Variants in WWOX observed in about 807,000 individuals in gnomAD.
The protein encoded by WWOX is WW domain containing oxidoreductase.
In WWOX, 69 loss-of-function variants were observed where a neutral mutation model predicts 46.2. The ratio of observed to expected loss-of-function variants is 1.49; its 90% confidence interval spans 1.23 to 1.82. The LOEUF (loss-of-function observed/expected upper bound fraction) is 1.82, where lower values mean the gene tolerates loss of function less well. Ranked by LOEUF, WWOX falls within the 40% of genes most tolerant of loss-of-function variation. The probability of loss-of-function intolerance (pLI) is 0.00; values close to 1 mark genes in which losing one functional copy is unlikely to be tolerated. For synonymous variants in WWOX, 359 were observed against 202.6 expected (o/e 1.77, Z -6.56); for missense variants, 919 against 542.6 (o/e 1.69, Z -6.89).
At position 78,345,715 on chromosome 16, in the gene WWOX, C is replaced by G. The variant is rs903036309; in HGVS notation, c.517-41145C>G. Among the ~76,000 whole-genome samples, 12 of 111,748 alleles carry G rather than the reference C, an allele frequency of 1.1e-4. 4 individuals are homozygous for G. Among genetic ancestry groups the G allele is most frequent in the Admixed American group, 2.7e-4 (3 of 11,116 alleles). 73.3% of individuals were successfully genotyped at this position (111,748 alleles called of 152,430 possible). A position where few individuals can be genotyped will look rare whatever the true frequency, so the allele number is the denominator to read the frequency against. On this transcript the variant is annotated intron_variant, in intron 5 of 8. Coordinates refer to ENST00000566780, the MANE Select transcript of WWOX (RefSeq NM_016373.4). Reference sequence around the variant, plus strand: ...ATACAGTTTGTGATATGGGTACACACTCAGTGAAATGGCCATTAATACTGC... The same window carrying G: ...ATACAGTTTGTGATATGGGTACACAGTCAGTGAAATGGCCATTAATACTGC...
At chr16:78,251,663 C>T (rs1413198691) in intron 5 of WWOX, among the ~76,000 whole-genome samples, 5 of 152,182 alleles carry the variant, frequency 3.3e-5, no homozygotes, top group African/African-American at 1.2e-4. Flanking sequence ...TACCGCTGAA[C>T]CCCGATGCTT....
intron 8 of WWOX, among the ~76,000 whole-genome samples, chr16:78,496,906 C>A (rs770552967): frequency 6.6e-6 from 1 of 152,210 alleles, no homozygotes; most frequent in Non-Finnish European, 1.5e-5. Context: ...GATGGCCTTG[C>A]TCATTGATTC....
chr16:78,546,702 G>A (rs2044041241), intron 8 of WWOX, among the ~76,000 whole-genome samples: 1 of 152,168 alleles, frequency 6.6e-6, no homozygotes, highest in Non-Finnish European at 1.5e-5. Context: ...TTTAAGAAGT[G>A]CATCAGGTTC....
At chr16:78,288,942 C>T (rs28545316) in intron 5 of WWOX, among the ~76,000 whole-genome samples, 4,097 of 152,200 alleles carry the variant, frequency 0.027, 152 homozygotes, top group African/African-American at 0.085. Flanking sequence ...TTCCTTGGGG[C>T]CTTCCAATTT....
chr16:78,642,034 T>C (rs901284882), intron 8 of WWOX, among the ~76,000 whole-genome samples: 5 of 152,218 alleles, frequency 3.3e-5, no homozygotes, highest in Admixed American at 3.3e-4. Flanking sequence ...AACGAGTTTA[T>C]TGGAGAGTTA....
chr16:78,235,475 T>A (rs1422420495), intron 5 of WWOX, among the ~76,000 whole-genome samples: 13 of 152,178 alleles, frequency 8.5e-5, no homozygotes, highest in Admixed American at 8.5e-4. Flanking sequence ...TGACAATCCT[T>A]GCCCCTAAGC....
At chr16:78,810,910 T>C (rs528726677) in intron 8 of WWOX, among the ~76,000 whole-genome samples, 2 of 152,326 alleles carry the variant, frequency 1.3e-5, no homozygotes, top group South Asian at 4.1e-4. Context: ...GTGTGGACTA[T>C]GCATTCAGAC....
chr16:78,432,221 G>C (rs575355226), intron 7 of WWOX, among the ~76,000 whole-genome samples: 2 of 151,592 alleles, frequency 1.3e-5, no homozygotes, highest in South Asian at 4.2e-4. Flanking sequence ...ATGTTTCAGT[G>C]ATTCTCTTGC....
intron 8 of WWOX, among the ~76,000 whole-genome samples, chr16:78,614,089 C>G (rs1035561811): frequency 2.6e-5 from 4 of 152,190 alleles, no homozygotes; most frequent in African/African-American, 9.7e-5. Flanking sequence ...TGTGTCACCC[C>G]TGGAGGTAGC....
intron 8 of WWOX, among the ~76,000 whole-genome samples, chr16:79,149,074 A>G (rs1007712717): frequency 3.3e-5 from 5 of 152,104 alleles, no homozygotes; most frequent in African/African-American, 4.8e-5. Context: ...GCTATGTTGA[A>G]CAAGAGTAGT....
intron 5 of WWOX, among the ~76,000 whole-genome samples, chr16:78,359,482 C>G (rs566975813): frequency 3.3e-5 from 5 of 152,072 alleles, no homozygotes; most frequent in Non-Finnish European, 7.4e-5. Flanking sequence ...ATAGTTGGTA[C>G]TTAAGAAATC....
At chr16:78,165,548 G>A (rs1304744352) in intron 5 of WWOX, among the ~76,000 whole-genome samples, 2 of 152,166 alleles carry the variant, frequency 1.3e-5, no homozygotes, top group Admixed American at 1.3e-4. Context: ...AGATGGGGTA[G>A]GGGAATGGCA....
intron 8 of WWOX, among the ~76,000 whole-genome samples, chr16:78,434,637 C>T (rs1266552605): frequency 2.6e-5 from 4 of 152,140 alleles, no homozygotes; most frequent in Non-Finnish European, 1.5e-5. Flanking sequence ...TGTATTTGAT[C>T]ATTGATGTGT....
At chr16:78,649,076 G>A (rs955850378) in intron 8 of WWOX, among the ~76,000 whole-genome samples, 5 of 152,062 alleles carry the variant, frequency 3.3e-5, no homozygotes, top group African/African-American at 1.2e-4. Context: ...CAGGTTCAAG[G>A]GATTCTCCTG....
intron 5 of WWOX, among the ~76,000 whole-genome samples, chr16:78,326,214 T>C (rs779007904): frequency 6.6e-6 from 1 of 152,196 alleles, no homozygotes; most frequent in Non-Finnish European, 1.5e-5. Context: ...TGGGGGAACC[T>C]GAATTATGGG....
chr16:78,541,452 C>T (rs750773311), intron 8 of WWOX, among the ~76,000 whole-genome samples: 2 of 105,886 alleles, frequency 1.9e-5, no homozygotes, highest in Non-Finnish European at 3.4e-5. Context: ...CCAGCCTGGG[C>T]GACAGAGCGA....
intron 5 of WWOX, among the ~76,000 whole-genome samples, chr16:78,198,427 C>A (rs939483372): frequency 6.6e-6 from 1 of 152,160 alleles, no homozygotes; most frequent in African/African-American, 2.4e-5. Context: ...AAGCAATGGC[C>A]TCTCACCCTT....
chr16:78,196,068 C>T (rs2036041903), intron 5 of WWOX, among the ~76,000 whole-genome samples: 1 of 152,056 alleles, frequency 6.6e-6, no homozygotes, highest in African/African-American at 2.4e-5. Context: ...CCCCACTTAA[C>T]CCTTTGTTTT....
chr16:78,578,663 T>C lies in WWOX; in HGVS notation c.1056+145911T>C, dbSNP rs191270725. Among the ~76,000 whole-genome samples, 840 of 152,238 alleles carry C rather than the reference T, an allele frequency of 5.5e-3. 8 individuals carry two copies. The highest frequency in any genetic ancestry group is 0.018 in the African/African-American group (758 of 41,522). The stretch of plus-strand genomic sequence containing the variant: ...AAAAAGACAGATACATAGGCAGTTG[T>C]TATGCAGTGTTTGAAATAAATTTAT... On this transcript the variant is annotated intron_variant, in intron 8 of 8. Transcript: ENST00000566780.
Sources: allele counts gnomAD v4.1 joint callset (sites outside exome capture counted in the v4.1 genomes callset), GRCh38; gene constraint gnomAD v4.1.1; transcripts MANE v1.5; gene names NCBI Gene and HGNC (gene_info 2026-07-23, HGNC 2026-07-21).